Variants in SACS observed in about 807,000 individuals in gnomAD.
The protein encoded by SACS is sacsin.
SACS carries 197 observed loss-of-function variants against 348.0 expected under a neutral mutation model. The ratio of observed to expected loss-of-function variants is 0.57; its 90% CI spans 0.50 to 0.64. The LOEUF (loss-of-function observed/expected upper bound fraction) is 0.64, where lower values mean the gene tolerates loss of function less well. Ranked by LOEUF, SACS falls within the 30% of genes least tolerant of loss-of-function variation. The probability of loss-of-function intolerance (pLI) is 0.00; values close to 1 mark genes in which losing one functional copy is unlikely to be tolerated. For synonymous variants in SACS, 1,985 were observed against 1,910.6 expected, an observed-to-expected ratio of 1.04 and a Z score of -1.02; for missense variants, 4,999 against 5,360.8, an observed-to-expected ratio of 0.93 and a Z score of 2.11.
chr13:23,332,491 A>G lies in SACS; in HGVS notation c.11385T>C (p.Ala3795=). ...TCCAACCATCTTCTACCATCACAAA[A>G]GCAACCCCTCGCAACTGAAAACGAA... ...REFRFQLRGV[A]FVMVEDGWKL... is the part of the protein sequence containing the mutation. The change falls in exon 10 of 10, where the codon GCT becomes GCC. Residue 3795 remains alanine (A), a synonymous_variant. Transcript: ENST00000382292. The G allele has an allele frequency of 1.2e-6, 2 of 1,613,994 alleles. No individual in the cohort carries two copies. The highest frequency in any genetic ancestry group is 1.7e-6 in the Non-Finnish European group (2 of 1,179,910).
chr13:23,377,926 T>C (rs1244076658), intron 2 of SACS, among the ~76,000 whole-genome samples: 1 of 152,244 alleles, frequency 6.6e-6, no homozygotes, highest in Admixed American at 6.5e-5. Flanking sequence ...TGGAATTTAT[T>C]GGACAGGCCA....
At chr13:23,396,178 G>T (rs1872705243) in intron 2 of SACS, among the ~76,000 whole-genome samples, 1 of 151,982 alleles carries the variant, frequency 6.6e-6, no homozygotes, top group Admixed American at 6.6e-5. Context: ...ACAAAAATTA[G>T]CCAAACGTGG....
rs150981998 is a variant in SACS at position 23,347,200 on chromosome 13, A to G, written c.2186-5510T>C. On this transcript the variant is annotated intron_variant, in intron 9 of 9. Transcript: ENST00000382292. ...TATCATGTTCAGAGATTCTAGATTA[A>G]AAAACCTGATTTTTTAAATTTTTAA... 7.3e-3 allele frequency among the ~76,000 whole-genome samples: 1,119 copies of G among 152,318 alleles called. 12 individuals are homozygous for G. The highest frequency in any genetic ancestry group is 0.025 in the African/African-American group (1,052 of 41,562).
At chr13:23,402,711 G>A (rs1349678263) in intron 2 of SACS, among the ~76,000 whole-genome samples, 1 of 152,164 alleles carries the variant, frequency 6.6e-6, no homozygotes, top group Non-Finnish European at 1.5e-5. Flanking sequence ...AATCTGCCTG[G>A]TACCTTGCTT....
chr13:23,393,419 T>C (rs1009195628), intron 2 of SACS, among the ~76,000 whole-genome samples: 3 of 152,176 alleles, frequency 2.0e-5, no homozygotes, highest in African/African-American at 7.2e-5. Flanking sequence ...CACTAGGTCA[T>C]GGCCCCAAGC....
Position 23,341,473 on chromosome 13 carries a change from T to C in SACS, c.2403A>G (p.Pro801=), listed in dbSNP as rs758503842. The C allele has an allele frequency of 4.3e-6, 7 of 1,614,000 alleles. No homozygotes were observed. The East Asian group carries it at 1.6e-4, about 36-fold the overall frequency. ...SEDLTLFDEM[P]LIPRTILEEG... ...CCTCTAGTATAGTTCTGGGGATAAG[T>C]GGCATCTCATCAAATAAAGTCAAAT... The change falls in exon 10 of 10, where the codon CCA becomes CCG. Residue 801 remains proline, a synonymous_variant. Coordinates refer to ENST00000382292, the MANE Select transcript of SACS (RefSeq NM_014363.6).
At chr13:23,377,854 C>A (rs971466579) in intron 2 of SACS, among the ~76,000 whole-genome samples, 1 of 152,210 alleles carries the variant, frequency 6.6e-6, no homozygotes, top group Non-Finnish European at 1.5e-5. Flanking sequence ...GCTCCAACAT[C>A]CCTGCCTGGC....
At chr13:23,420,024 T>C (rs957999041) in intron 1 of SACS, among the ~76,000 whole-genome samples, 1 of 137,954 alleles carries the variant, frequency 7.2e-6, no homozygotes, top group Non-Finnish European at 1.7e-5. Context: ...AGGTATCCAT[T>C]TGGGTCCTGA....
intron 9 of SACS, among the ~76,000 whole-genome samples, chr13:23,350,204 T>A (rs1245134188): frequency 6.6e-6 from 1 of 152,152 alleles, no homozygotes; most frequent in Non-Finnish European, 1.5e-5. Context: ...AATCATTAAC[T>A]AGTGACGTCA....
chr13:23,405,596 C>A (rs1873170216), intron 2 of SACS, among the ~76,000 whole-genome samples: 1 of 151,982 alleles, frequency 6.6e-6, no homozygotes, highest in Non-Finnish European at 1.5e-5. Context: ...GCAAAAGAAA[C>A]TATCATCAGA....
At chr13:23,387,667 AG>A (rs1006758433) in intron 2 of SACS, among the ~76,000 whole-genome samples, 5 of 152,042 alleles carry the variant, frequency 3.3e-5, no homozygotes, top group Non-Finnish European at 4.4e-5. Context: ...TCACCTGTGT[AG>A]GGTGGTGGTT....
In SACS at chr13:23,340,469, T is replaced by G; in HGVS notation, c.3407A>C (p.Asn1136Thr). ...KKAKTLLLVLNKNHTLLQSSE... is the reference protein window; with the variant it reads ...KKAKTLLLVLTKNHTLLQSSE... ...TGATTGCAACAGTGTGTGATTCTTA[T>G]TTAAAACCAGTAAGAGGGTTTTGGC... The change falls in exon 10 of 10, where the codon AAT (asparagine) becomes ACT (threonine). Residue 1136 changes from asparagine (N) to threonine (T), a missense_variant. Physicochemically the swap from Asn to Thr is moderately conservative, Grantham distance 65. Transcript: ENST00000382292. 1 of 1,613,550 alleles carries G rather than the reference T, an allele frequency of 6.2e-7. No homozygotes were observed. Among genetic ancestry groups the G allele is most frequent in the African/African-American group, 1.3e-5 (1 of 74,984 alleles).
intron 9 of SACS, chr13:23,346,729 G>T: frequency 8.4e-6 from 5 of 596,768 alleles, no homozygotes; most frequent in Non-Finnish European, 1.1e-5. Context: ...TAGCTACTTA[G>T]GTAAATGCAA....
chr13:23,374,887 T>G (rs1276858509), intron 3 of SACS, among the ~76,000 whole-genome samples: 1 of 151,894 alleles, frequency 6.6e-6, no homozygotes. Context: ...AAAAAATCTC[T>G]GAATTTCAGA....
chr13:23,370,484 C>T (rs1485450798), intron 4 of SACS, among the ~76,000 whole-genome samples: 7 of 152,144 alleles, frequency 4.6e-5, no homozygotes, highest in Admixed American at 4.6e-4. Flanking sequence ...CAGATCTACC[C>T]TACCCACTTA....
intron 1 of SACS, among the ~76,000 whole-genome samples, chr13:23,431,760 C>CT (rs1874442751): frequency 6.6e-6 from 1 of 152,178 alleles, no homozygotes; most frequent in East Asian, 1.9e-4. Context: ...GACAAGAGGG[C>CT]TTAGAACAGT....
intron 2 of SACS, among the ~76,000 whole-genome samples, chr13:23,383,885 C>T (rs1223413625): frequency 6.6e-6 from 1 of 152,140 alleles, no homozygotes; most frequent in Non-Finnish European, 1.5e-5. Flanking sequence ...TTGTTCACAC[C>T]ATCACCCTCT....
At chr13:23,395,362 A>G (rs768705097) in intron 2 of SACS, among the ~76,000 whole-genome samples, 2 of 152,108 alleles carry the variant, frequency 1.3e-5, no homozygotes, top group African/African-American at 2.4e-5. Context: ...TTATGGCATA[A>G]TTTTACTAAG....
At position 23,358,432 on chromosome 13, in the gene SACS, C is replaced by T; in HGVS notation, c.507G>A (p.Trp169Ter). The T allele has an allele frequency of 6.2e-7, 1 of 1,614,152 alleles. No homozygotes were observed. The highest frequency in any genetic ancestry group is 8.5e-7 in the Non-Finnish European group (1 of 1,180,026). Reference protein sequence around the residue: ...YNNAVFTPEDWHGIQEIARSR... With the variant: ...YNNAVFTPED ...TTCTTGCTATTTCTTGAATGCCGTG[C>T]CAGTCCTCTGGGGTGAAAACCGCGT... The change falls in exon 7 of 10, where the codon TGG (tryptophan) becomes TGA (stop). Residue 169 changes from tryptophan to a stop codon, truncating the protein, a stop_gained. Transcript: ENST00000382292. LOFTEE classifies it high-confidence loss of function.
Sources: gnomAD v4.1 joint callset for allele counts (sites outside exome capture counted in the v4.1 genomes callset) on GRCh38, gnomAD v4.1.1 for gene constraint, MANE v1.5 for transcripts, NCBI Gene and HGNC (gene_info 2026-07-23, HGNC 2026-07-21) for gene names.